The following CSK variants were observed in gnomAD, a reference collection of about 807,000 sequenced individuals.
CSK encodes tyrosine-protein kinase CSK.
In CSK, 7 loss-of-function variants were observed where a neutral mutation model predicts 62.3. That is an observed-to-expected ratio of 0.11 (90% confidence interval 0.06 to 0.21). The LOEUF is 0.21. Ranked by LOEUF, CSK falls within the 10% of genes least tolerant of loss-of-function variation. CSK has a pLI of 1.00. For synonymous variants in CSK, 237 were observed against 246.0 expected, an observed-to-expected ratio of 0.96 and a Z score of 0.34; for missense variants, 294 against 613.5, an observed-to-expected ratio of 0.48 and a Z score of 5.50.
At chr15:74,801,500 G>C in intron 9 of CSK, 22 bp from the exon 10 acceptor site, 1 of 1,606,676 alleles carries the variant, frequency 6.2e-7, no homozygotes, top group Admixed American at 1.7e-5. Flanking sequence ...ACCTCGGCCT[G>C]GTCTGTCCTT....
intron 1 of CSK, among the ~76,000 whole-genome samples, chr15:74,787,460 G>A (rs955557113): frequency 3.3e-5 from 5 of 152,104 alleles, no homozygotes; most frequent in Non-Finnish European, 7.4e-5. Flanking sequence ...TTTTCCCATG[G>A]GGAAACTGAG....
At chr15:74,795,289 C>T (rs2141811877) in intron 1 of CSK, among the ~76,000 whole-genome samples, 1 of 152,270 alleles carries the variant, frequency 6.6e-6, no homozygotes, top group East Asian at 1.9e-4. Context: ...AAAATGTCTT[C>T]TCCCGCGCCA....
Position 74,799,203 on chromosome 15 carries a change from C to T in CSK, c.243-69C>T, listed in dbSNP as rs2063752156. On this transcript the variant is annotated intron_variant, in intron 4 of 12. Coordinates refer to ENST00000220003, the MANE Select transcript of CSK (RefSeq NM_004383.3). ...GCCACGGGTGCCAAGCAGAGGGAAC[C>T]CCTTCAGAAAGGGGAGCCAGGGTCA... is the stretch of plus-strand genomic sequence containing the variant. 4.7e-6 allele frequency: 7 copies of T among 1,497,746 alleles called. No homozygotes were observed. In the Admixed American group the frequency reaches 9.3e-5, roughly 20 times the overall value. 92.8% of individuals were successfully genotyped at this position (1,497,746 alleles called of 1,614,324 possible). A position where few individuals can be genotyped will look rare whatever the true frequency, so the allele number is the denominator to read the frequency against.
chr15:74,798,237 A>G lies in CSK; in HGVS notation c.-61A>G. The G allele has an allele frequency of 6.5e-7, 1 of 1,528,902 alleles. No homozygotes were observed. Among genetic ancestry groups the G allele is most frequent in the African/African-American group, 1.4e-5 (1 of 72,410 alleles). 94.7% of individuals were successfully genotyped at this position (1,528,902 alleles called of 1,614,324 possible). A position where few individuals can be genotyped will look rare whatever the true frequency, so the allele number is the denominator to read the frequency against. On this transcript the variant is annotated 5_prime_UTR_variant, in exon 2 of 13. Coordinates refer to ENST00000220003, the MANE Select transcript of CSK (RefSeq NM_004383.3). This position sits in a 1 kb window ranked among gnomAD's most constrained non-coding sequence, Gnocchi z 6.6. ...TCTTCATGCTCTTCCCCACAGCTCT[A>G]ATGGTACCAAGTGACAGGTTGGCTT... is the stretch of plus-strand genomic sequence containing the variant.
At chr15:74,793,992 A>G (rs1363646472) in intron 1 of CSK, among the ~76,000 whole-genome samples, 1 of 152,148 alleles carries the variant, frequency 6.6e-6, no homozygotes. Flanking sequence ...CTAACTAGCT[A>G]TGTGACTTCA....
chr15:74,793,460 C>A (rs192117089), intron 1 of CSK, among the ~76,000 whole-genome samples: 1 of 152,180 alleles, frequency 6.6e-6, no homozygotes, highest in African/African-American at 2.4e-5. Flanking sequence ...GGGGCCTGTC[C>A]GGCAGGGAGG....
Position 74,798,133 on chromosome 15 carries a change from A to G in CSK, c.-65-100A>G, listed in dbSNP as rs1052083308. 3.0e-6 allele frequency: 2 copies of G among 674,044 alleles called. No homozygotes were observed. The highest frequency in any genetic ancestry group is 1.8e-5 in the African/African-American group (1 of 54,894). 41.8% of individuals were successfully genotyped at this position (674,044 alleles called of 1,614,324 possible). A position where few individuals can be genotyped will look rare whatever the true frequency, so the allele number is the denominator to read the frequency against. ...CCCATGTGTCAAATCCCAGCGCAGG[A>G]CACTCTTGGCACCTGTTCATGCCCA... On this transcript the variant is annotated intron_variant, in intron 1 of 12. Coordinates refer to ENST00000220003, the MANE Select transcript of CSK (RefSeq NM_004383.3). The surrounding 1 kb of genome is among the most constrained non-coding windows in gnomAD (Gnocchi z 6.6).
chr15:74,787,570 C>T (rs530401744), intron 1 of CSK, among the ~76,000 whole-genome samples: 2 of 152,218 alleles, frequency 1.3e-5, no homozygotes, highest in African/African-American at 4.8e-5. Context: ...CCTGCCCTTT[C>T]TGCCTGCTCA....
At chr15:74,796,781 CCA>C (rs2063713428) in intron 1 of CSK, among the ~76,000 whole-genome samples, 2 of 152,032 alleles carry the variant, frequency 1.3e-5, no homozygotes, top group African/African-American at 4.8e-5. Flanking sequence ...AAAACCAACC[CCA>C]GAGGTCCCCT....
rs1221597180 is a variant in CSK, at chr15:74,799,341, C to T, written c.312C>T (p.Phe104=). The change falls in exon 5 of 13, where the codon TTC becomes TTT. Residue 104 remains phenylalanine, a synonymous_variant. Transcript: ENST00000220003. The part of the protein sequence containing the change: ...RLLYPPETGL[F]LVRESTNYPG... ...TGTACCCGCCGGAGACAGGCCTGTTCCTGGTGCGGGAGAGCACCAACTACC... is the reference window on the plus strand; with the variant it reads ...TGTACCCGCCGGAGACAGGCCTGTTTCTGGTGCGGGAGAGCACCAACTACC... 1 of 1,612,982 alleles carries T rather than the reference C, an allele frequency of 6.2e-7. No individual in the cohort carries two copies. Among genetic ancestry groups the T allele is most frequent in the South Asian group, 1.1e-5 (1 of 91,054 alleles).
Position 74,799,633 on chromosome 15 carries a change from C to A in CSK, c.462+142C>A, listed in dbSNP as rs996311183. 3.5e-6 allele frequency: 3 copies of A among 850,944 alleles called. No homozygotes were observed. The African/African-American group carries it at 5.1e-5, about 14-fold the overall frequency. The allele number at this position is 850,944 out of a possible 1,614,324, so 52.7% of individuals were successfully genotyped here. On this transcript the variant is annotated intron_variant, in intron 5 of 12. Transcript: ENST00000220003. ...ACTTCTGTGAGCCCTTGTTTCCTCA[C>A]ACCTTGGTGGAGCAGCTGCTGCGTG...
intron 5 of CSK, among the ~76,000 whole-genome samples, chr15:74,800,029 T>C (rs923306591): frequency 6.6e-6 from 1 of 152,162 alleles, no homozygotes; most frequent in African/African-American, 2.4e-5. Flanking sequence ...CCCGTGTCCC[T>C]CTGTATTCAC....
In CSK at chr15:74,798,910, A is replaced by C; in HGVS notation, c.214A>C (p.Lys72Gln). ...ANYVQKREGV[K>Q]AGTKLSLMPW... ...CTACGTCCAGAAGCGGGAGGGCGTG[A>C]AGGCGGGTACCAAACTCAGCCTCAT... Residue 72 changes from lysine to glutamine, a missense_variant, in exon 4 of 13, where the codon AAG (lysine) becomes CAG (glutamine). Around this residue, in one of 3 missense-constraint regions of CSK, gnomAD observed 202 missense variants for 415.7 expected, o/e 0.49. Transcript: ENST00000220003. This position sits in a 1 kb window ranked among gnomAD's most constrained non-coding sequence, Gnocchi z 6.6. 1 of 1,537,632 alleles carries C rather than the reference A, an allele frequency of 6.5e-7. No homozygotes were observed. The highest frequency in any genetic ancestry group is 8.7e-7 in the Non-Finnish European group (1 of 1,143,144).
Position 74,799,287 on chromosome 15 carries a change from G to A in CSK, c.258G>A (p.Lys86=), listed in dbSNP as rs1175748494. Residue 86 remains lysine (K), a synonymous_variant, in exon 5 of 13, where the codon AAG becomes AAA. Transcript: ENST00000220003. The part of the protein sequence containing the change: ...KLSLMPWFHG[K]ITREQAERLL... ...TGCTCCCCAGTTGGTTCCACGGCAA[G>A]ATCACACGGGAGCAGGCTGAGCGGC... The A allele has an allele frequency of 1.9e-6, 3 of 1,609,878 alleles. No individual in the cohort carries two copies. The highest frequency in any genetic ancestry group is 2.5e-6 in the Non-Finnish European group (3 of 1,178,974).
rs1165536553 is a variant in CSK, at chr15:74,782,149, G to GT, written c.-635dup. 6.7e-6 allele frequency: 1 copy of GT among 148,850 alleles called. No homozygotes were observed. The highest frequency in any genetic ancestry group is 1.5e-5 in the Non-Finnish European group (1 of 66,544). The allele number at this position is 148,850 out of a possible 1,614,324, so 9.2% of individuals were successfully genotyped here. A position where few individuals can be genotyped will look rare whatever the true frequency, so the allele number is the denominator to read the frequency against. ...CCAGCGGAGCCCTGGGCGAGCCGAG[G>GT]TTGGCCGCCGCCGCCGCCGAGCCCG... On this transcript the variant is annotated 5_prime_UTR_variant, in exon 1 of 13. Coordinates refer to ENST00000220003, the MANE Select transcript of CSK (RefSeq NM_004383.3). The surrounding 1 kb of genome is among the most constrained non-coding windows in gnomAD (Gnocchi z 5.7).
intron 1 of CSK, among the ~76,000 whole-genome samples, chr15:74,783,950 G>A (rs749463656): frequency 6.6e-6 from 1 of 152,222 alleles, no homozygotes; most frequent in African/African-American, 2.4e-5. Context: ...CTACAGACTG[G>A]GGACATGGGA....
intron 4 of CSK, 87 bp from the exon 5 acceptor site, chr15:74,799,185 G>A: frequency 1.4e-6 from 2 of 1,399,232 alleles, no homozygotes; most frequent in Non-Finnish European, 1.9e-6. Flanking sequence ...CGAGCCACGG[G>A]TGCCAAGCAG....
intron 1 of CSK, among the ~76,000 whole-genome samples, chr15:74,789,983 GTCCTT>G (rs2063593038): frequency 6.6e-6 from 1 of 152,188 alleles, no homozygotes; most frequent in African/African-American, 2.4e-5. Context: ...GACCTCTTGA[GTCCTT>G]TCCTTCTCCA....
intron 1 of CSK, among the ~76,000 whole-genome samples, chr15:74,794,791 G>T (rs1304767591): frequency 2.6e-5 from 4 of 152,108 alleles, no homozygotes; most frequent in Non-Finnish European, 2.9e-5. Flanking sequence ...GCCTGGAAGT[G>T]TTGGTTCTCC....
Sources: allele counts gnomAD v4.1 joint callset (sites outside exome capture counted in the v4.1 genomes callset), GRCh38; gene constraint gnomAD v4.1.1; regional missense constraint gnomAD v4.1.1; non-coding constraint Gnocchi (gnomAD v3.1); transcripts MANE v1.5; gene names NCBI Gene and HGNC (gene_info 2026-07-23, HGNC 2026-07-21).